IRAK2: variants seen among roughly 807,000 people sequenced by gnomAD.
The protein encoded by IRAK2 is interleukin 1 receptor associated kinase 2.
Under a neutral mutation model 72.0 loss-of-function variants are expected in IRAK2, and 57 were observed. That is an observed-to-expected ratio of 0.79 (90% CI 0.64 to 0.99). IRAK2 has a LOEUF of 0.99. IRAK2 is among the 50% of genes least tolerant of loss of function. The probability of loss-of-function intolerance (pLI) is 0.00; values close to 1 mark genes in which losing one functional copy is unlikely to be tolerated. For missense variants in IRAK2, 790 were observed against 794.4 expected (o/e 0.99, Z 0.07); for synonymous variants, 293 against 312.7 (o/e 0.94, Z 0.67).
chr3:10,237,982 C>T (rs1165840706), intron 11 of IRAK2, among the ~76,000 whole-genome samples: 1 of 130,078 alleles, frequency 7.7e-6, no homozygotes, highest in Non-Finnish European at 1.6e-5. Context: ...AGAAACATTC[C>T]TTCCTTGCTT....
intron 2 of IRAK2, among the ~76,000 whole-genome samples, chr3:10,181,217 C>G (rs1215639436): frequency 6.6e-6 from 1 of 152,162 alleles, no homozygotes; most frequent in Non-Finnish European, 1.5e-5. Context: ...CCTGAAACCC[C>G]TCCCTGCCCG....
chr3:10,184,938 C>G (rs531024480), intron 2 of IRAK2, among the ~76,000 whole-genome samples: 25 of 150,404 alleles, frequency 1.7e-4, no homozygotes, highest in Admixed American at 1.3e-3. Flanking sequence ...GGGGTTTCAC[C>G]GTGTTAGCCA....
chr3:10,197,285 T>C (rs1697283367), intron 2 of IRAK2, among the ~76,000 whole-genome samples: 1 of 150,952 alleles, frequency 6.6e-6, no homozygotes, highest in Admixed American at 6.6e-5. Flanking sequence ...CTCAGGAGGC[T>C]GAGGCAGGAG....
chr3:10,174,862 T>G (rs978116106), intron 1 of IRAK2, among the ~76,000 whole-genome samples: 1 of 151,156 alleles, frequency 6.6e-6, no homozygotes, highest in Non-Finnish European at 1.5e-5. Flanking sequence ...CTTTCTCACT[T>G]CAGTAAACCA....
intron 1 of IRAK2, among the ~76,000 whole-genome samples, chr3:10,172,345 C>T (rs775143989): frequency 1.4e-4 from 21 of 151,288 alleles, no homozygotes; most frequent in South Asian, 2.1e-4. Flanking sequence ...CCAGCCTGGG[C>T]GACAGAGCGA....
chr3:10,241,995 A>C, intron 12 of IRAK2, 121 bp from the exon 13 acceptor site: 1 of 510,424 alleles, frequency 2.0e-6, no homozygotes, highest in Non-Finnish European at 3.4e-6. Flanking sequence ...AGAAAAAAAA[A>C]AAAAGAAATG....
intron 2 of IRAK2, 32 bp downstream of exon 2, chr3:10,178,052 C>G (rs774840766): frequency 2.0e-6 from 3 of 1,537,578 alleles, no homozygotes; most frequent in Non-Finnish European, 2.7e-6. Context: ...TTGAGTGGGG[C>G]CCATCACGCT....
chr3:10,167,456 C>T (rs533962397), intron 1 of IRAK2, among the ~76,000 whole-genome samples: 4 of 152,040 alleles, frequency 2.6e-5, no homozygotes, highest in Admixed American at 1.3e-4. Context: ...GCTTTGTCAC[C>T]CAGGCTGGAG....
Position 10,213,554 on chromosome 3 carries a change from C to G in IRAK2, c.788+6C>G. 6.2e-7 allele frequency: 1 copy of G among 1,610,984 alleles called. No homozygotes were observed. Among genetic ancestry groups the G allele is most frequent in the Non-Finnish European group, 8.5e-7 (1 of 1,177,162 alleles). On this transcript the variant is annotated splice_donor_region_variant and intron_variant, in intron 6 of 12. Transcript: ENST00000256458. ...GAGTTGCAGATTTGTCTTAGGTAAG[C>G]CTCCCCTTTGTTTAGTAATAATGAT...
chr3:10,166,932 C>T (rs1696701933), intron 1 of IRAK2, among the ~76,000 whole-genome samples: 1 of 152,268 alleles, frequency 6.6e-6, no homozygotes, highest in African/African-American at 2.4e-5. Flanking sequence ...GCGTGAGCCA[C>T]TGCTCCTGGA....
chr3:10,222,981 T>C (rs1697720484), intron 9 of IRAK2, 150 bp downstream of exon 9: 2 of 667,296 alleles, frequency 3.0e-6, no homozygotes, highest in South Asian at 3.7e-5. Context: ...CAGGCCACTT[T>C]GGCCTGTGGC....
At chr3:10,168,554 T>TG (rs1280473453) in intron 1 of IRAK2, among the ~76,000 whole-genome samples, 1 of 152,208 alleles carries the variant, frequency 6.6e-6, no homozygotes, top group Non-Finnish European at 1.5e-5. Flanking sequence ...CAGTGTGAAG[T>TG]GGCATCTTAC....
chr3:10,166,272 G>A (rs918954014), intron 1 of IRAK2, among the ~76,000 whole-genome samples: 1 of 152,228 alleles, frequency 6.6e-6, no homozygotes, highest in Non-Finnish European at 1.5e-5. Flanking sequence ...TGGGGCCTAA[G>A]CACAAGCACT....
At chr3:10,180,618 G>T (rs1696946435) in intron 2 of IRAK2, among the ~76,000 whole-genome samples, 1 of 151,976 alleles carries the variant, frequency 6.6e-6, no homozygotes, top group African/African-American at 2.4e-5. Flanking sequence ...CCTGAGCTGG[G>T]AACCACCTGG....
At chr3:10,190,587 G>C (rs1697160092) in intron 2 of IRAK2, among the ~76,000 whole-genome samples, 1 of 152,154 alleles carries the variant, frequency 6.6e-6, no homozygotes, top group Non-Finnish European at 1.5e-5. Flanking sequence ...AATGAACAGA[G>C]TGTGGAATGC....
At chr3:10,182,621 G>C (rs1000192658) in intron 2 of IRAK2, among the ~76,000 whole-genome samples, 2 of 151,082 alleles carry the variant, frequency 1.3e-5, no homozygotes, top group African/African-American at 2.4e-5. Flanking sequence ...ATGTTGGCTA[G>C]GCTAGTCTCA....
intron 4 of IRAK2, among the ~76,000 whole-genome samples, chr3:10,212,323 C>T (rs1697533653): frequency 6.6e-6 from 1 of 151,438 alleles, no homozygotes; most frequent in African/African-American, 2.4e-5. Context: ...TAAAGCTCAT[C>T]AGCTATCATT....
At chr3:10,171,832 C>A (rs1696799015) in intron 1 of IRAK2, among the ~76,000 whole-genome samples, 1 of 148,198 alleles carries the variant, frequency 6.7e-6, no homozygotes, top group South Asian at 2.3e-4. Flanking sequence ...ATGATGCAAT[C>A]TCAGCTCACT....
At chr3:10,225,946 A>C (rs1276479234) in intron 9 of IRAK2, among the ~76,000 whole-genome samples, 1 of 151,892 alleles carries the variant, frequency 6.6e-6, no homozygotes, top group African/African-American at 2.4e-5. Flanking sequence ...TGATCCGCCC[A>C]CCTCAGCCTC....
Sources: gnomAD v4.1 joint callset for allele counts (sites outside exome capture counted in the v4.1 genomes callset) on GRCh38, gnomAD v4.1.1 for gene constraint, MANE v1.5 for transcripts, NCBI Gene and HGNC (gene_info 2026-07-23, HGNC 2026-07-21) for gene names.